Variants in C10orf67 observed in about 807,000 individuals in gnomAD.
C10orf67 encodes chromosome 10 open reading frame 67, also known as uncharacterized protein C10orf67, mitochondrial.
A neutral mutation model predicts 35.6 loss-of-function variants in C10orf67; 60 were observed. That is an observed-to-expected ratio of 1.68 (90% CI 1.37 to 2.09). The LOEUF is 2.09. Ranked by LOEUF, C10orf67 falls within the 30% of genes most tolerant of loss-of-function variation. The probability of loss-of-function intolerance (pLI) is 0.00; values close to 1 mark genes in which losing one functional copy is unlikely to be tolerated. For synonymous variants in C10orf67, 167 were observed against 115.8 expected (o/e 1.44, Z -2.84); for missense variants, 474 against 330.2 (o/e 1.44, Z -3.38).
chr10:23,257,937 A>T (rs1252933790), intron 10 of C10orf67, among the ~76,000 whole-genome samples: 2 of 152,110 alleles, frequency 1.3e-5, no homozygotes, highest in Non-Finnish European at 1.5e-5. Context: ...ATGTATACAC[A>T]CATATGTGTA....
chr10:23,267,909 A>G (rs60747407), intron 8 of C10orf67, among the ~76,000 whole-genome samples: 1,614 of 152,116 alleles, frequency 0.011, 30 homozygotes, highest in East Asian at 0.049. Flanking sequence ...CTCAAAAAAA[A>G]GAAAAAAAAA....
chr10:23,238,686 G>A (rs1019377934), intron 13 of C10orf67, among the ~76,000 whole-genome samples: 2 of 152,072 alleles, frequency 1.3e-5, no homozygotes, highest in Admixed American at 6.6e-5. Context: ...ATCCTCCAAC[G>A]TTTTATTTGC....
At chr10:23,307,146 A>C (rs1041891327) in intron 4 of C10orf67, among the ~76,000 whole-genome samples, 3 of 152,164 alleles carry the variant, frequency 2.0e-5, no homozygotes, top group Non-Finnish European at 4.4e-5. Flanking sequence ...TTACAAAACC[A>C]AAAAAAGGAT....
In C10orf67 at chr10:23,233,790, G is replaced by A. The variant is rs115173829; in HGVS notation, c.1434+5939C>T. 2.0e-5 allele frequency among the ~76,000 whole-genome samples: 3 copies of A among 152,192 alleles called. No homozygotes were observed. In the East Asian group the frequency reaches 5.8e-4, roughly 29 times the overall value. The stretch of plus-strand genomic sequence containing the variant: ...ATGTTTTAAGACTCAAAATTTACTT[G>A]GTTTTTGGTTTTGATAATTTCAGAA... On this transcript the variant is annotated intron_variant, in intron 13 of 15. Coordinates refer to ENST00000636213, the MANE Select transcript of C10orf67 (RefSeq NM_001371909.1).
intron 12 of C10orf67, among the ~76,000 whole-genome samples, chr10:23,245,364 G>A (rs1173041442): frequency 1.3e-5 from 2 of 152,088 alleles, no homozygotes; most frequent in East Asian, 1.9e-4. Flanking sequence ...GAATAAGTAG[G>A]ATTATTTCAA....
chr10:23,243,323 G>A (rs1224548242), intron 12 of C10orf67, among the ~76,000 whole-genome samples: 1 of 152,110 alleles, frequency 6.6e-6, no homozygotes, highest in Non-Finnish European at 1.5e-5. Context: ...GTAAAAGATG[G>A]AAACAACAAA....
At chr10:23,220,308 G>A (rs1841544288) in intron 15 of C10orf67, among the ~76,000 whole-genome samples, 1 of 152,172 alleles carries the variant, frequency 6.6e-6, no homozygotes, top group Non-Finnish European at 1.5e-5. Flanking sequence ...CAGCTCAAGA[G>A]GACAGGTAGA....
intron 4 of C10orf67, chr10:23,317,741 C>T (rs556146699): frequency 6.6e-6 from 1 of 152,080 alleles, no homozygotes; most frequent in African/African-American, 2.4e-5. Context: ...TATAAAACTG[C>T]TACAGATAAT....
chr10:23,288,633 A>G (rs1843617890), intron 7 of C10orf67, among the ~76,000 whole-genome samples: 1 of 152,218 alleles, frequency 6.6e-6, no homozygotes, highest in South Asian at 2.1e-4. Context: ...TAAAAAAAGA[A>G]TATCTTGAAT....
chr10:23,207,261 T>G (rs1841184407), intron 15 of C10orf67, among the ~76,000 whole-genome samples: 1 of 152,164 alleles, frequency 6.6e-6, no homozygotes. Flanking sequence ...TCCACACAAT[T>G]TAATTACTGT....
chr10:23,268,288 C>G (rs971886346), intron 8 of C10orf67, among the ~76,000 whole-genome samples: 1 of 152,048 alleles, frequency 6.6e-6, no homozygotes, highest in East Asian at 1.9e-4. Context: ...GAGTGAGACC[C>G]TGACTTCAGA....
At chr10:23,254,738 C>A (rs1842554923) in intron 10 of C10orf67, among the ~76,000 whole-genome samples, 1 of 152,060 alleles carries the variant, frequency 6.6e-6, no homozygotes, top group Non-Finnish European at 1.5e-5. Flanking sequence ...ACAGAAGAAG[C>A]AAATTATGTT....
At chr10:23,258,476 G>T in intron 10 of C10orf67, 1 of 165,160 alleles carries the variant, frequency 6.1e-6, no homozygotes. Context: ...CTGGCAATTT[G>T]GTGTTCCTGC....
At chr10:23,278,608 G>C (rs2132229137) in intron 8 of C10orf67, among the ~76,000 whole-genome samples, 1 of 152,284 alleles carries the variant, frequency 6.6e-6, no homozygotes, top group African/African-American at 2.4e-5. Context: ...GGAGAACTGT[G>C]TGCCACGCCA....
At chr10:23,242,547 TG>T (rs1393083704) in intron 12 of C10orf67, among the ~76,000 whole-genome samples, 1 of 151,970 alleles carries the variant, frequency 6.6e-6, no homozygotes, top group Non-Finnish European at 1.5e-5. Flanking sequence ...AAATGAATAC[TG>T]AGTATGCCAA....
intron 10 of C10orf67, among the ~76,000 whole-genome samples, chr10:23,251,705 C>T (rs552887919): frequency 2.6e-5 from 4 of 152,212 alleles, no homozygotes; most frequent in East Asian, 3.9e-4. Flanking sequence ...TAACTAGGTT[C>T]GTAATAATGG....
intron 4 of C10orf67, among the ~76,000 whole-genome samples, chr10:23,315,476 T>C (rs1291831318): frequency 6.6e-6 from 1 of 152,224 alleles, no homozygotes; most frequent in Non-Finnish European, 1.5e-5. Context: ...TCTTGCTCTA[T>C]CACCCAGGCT....
intron 10 of C10orf67, among the ~76,000 whole-genome samples, chr10:23,257,854 G>T (rs1275326322): frequency 6.6e-6 from 1 of 151,510 alleles, no homozygotes; most frequent in Non-Finnish European, 1.5e-5. Flanking sequence ...ATAGCAACAA[G>T]CAAACTCAAC....
chr10:23,204,429 G>GGGCA (rs1475703415), intron 15 of C10orf67, among the ~76,000 whole-genome samples, 174 bp from the exon 16 acceptor site: 1 of 152,160 alleles, frequency 6.6e-6, no homozygotes, highest in African/African-American at 2.4e-5. Flanking sequence ...GAAGGAGGTA[G>GGGCA]GGCAGGCAGG....
Sources: allele counts gnomAD v4.1 joint callset (sites outside exome capture counted in the v4.1 genomes callset), GRCh38; gene constraint gnomAD v4.1.1; transcripts MANE v1.5; gene names NCBI Gene and HGNC (gene_info 2026-07-23, HGNC 2026-07-21).